The following DYRK4 variants were observed in gnomAD, a reference collection of about 807,000 sequenced individuals.
DYRK4 encodes dual specificity tyrosine phosphorylation regulated kinase 4.
A neutral mutation model predicts 68.3 loss-of-function variants in DYRK4; 64 were observed. The ratio of observed to expected loss-of-function variants is 0.94; its 90% CI spans 0.77 to 1.15. DYRK4 has a LOEUF of 1.15. Ranked by LOEUF, DYRK4 falls within the 50% of genes most tolerant of loss-of-function variation. The pLI is 0.00. For synonymous variants in DYRK4, 274 were observed against 289.9 expected (o/e 0.95, Z 0.56); for missense variants, 740 against 764.7 (o/e 0.97, Z 0.38).
intron 10 of DYRK4, chr12:4,602,664 AGG>A (rs764586095): frequency 1.3e-5 from 18 of 1,415,754 alleles, no homozygotes; most frequent in Non-Finnish European, 1.8e-5. Flanking sequence ...ACACCTGCTG[AGG>A]GTCATTTTCT....
At chr12:4,571,527 G>A (rs1944730157) in intron 2 of DYRK4, among the ~76,000 whole-genome samples, 1 of 152,174 alleles carries the variant, frequency 6.6e-6, no homozygotes. Context: ...AAGACTCGGT[G>A]TGAAAACAAT....
intron 2 of DYRK4, among the ~76,000 whole-genome samples, chr12:4,570,507 G>A (rs145007590): frequency 1.1e-4 from 16 of 152,248 alleles, no homozygotes; most frequent in East Asian, 5.8e-4. Flanking sequence ...GCTTCTGCAC[G>A]TGAAGTATTG....
chr12:4,573,022 G>C (rs999355302), intron 2 of DYRK4: 1 of 302,940 alleles, frequency 3.3e-6, no homozygotes, highest in African/African-American at 2.2e-5. Flanking sequence ...ATGGAAATCA[G>C]TTCAAGCTGA....
In DYRK4 at chr12:4,593,003, G is replaced by A; in HGVS notation, c.465G>A (p.Glu155=). Residue 155 remains glutamate, a splice_region_variant and synonymous_variant, in exon 6 of 15, where the codon GAG becomes GAA. Coordinates refer to ENST00000543431, the MANE Select transcript of DYRK4 (RefSeq NM_001394779.1). ...ACAATTGTAGTGTTTTTCACACAGA[G>A]GCCCTAAAGCTTTTTAAGAACCAGC... ...KKQKVTLTAA[E]ALKLFKNQLS... The A allele has an allele frequency of 1.2e-6, 2 of 1,612,192 alleles. No individual in the cohort carries two copies. Among genetic ancestry groups the A allele is most frequent in the Non-Finnish European group, 1.7e-6 (2 of 1,179,084 alleles).
intron 2 of DYRK4, among the ~76,000 whole-genome samples, chr12:4,576,769 G>A (rs556382223): frequency 6.6e-6 from 1 of 152,286 alleles, no homozygotes; most frequent in Admixed American, 6.5e-5. Flanking sequence ...ATAATATTGA[G>A]CATCTTTTCA....
Position 4,562,225 on chromosome 12 carries a change from C to T in DYRK4, c.-21C>T, listed in dbSNP as rs1341764249. 2 of 1,524,110 alleles carry T rather than the reference C, an allele frequency of 1.3e-6. No homozygotes were observed. Among genetic ancestry groups the T allele is most frequent in the Admixed American group, 2.0e-5 (1 of 49,536 alleles). The allele number at this position is 1,524,110 out of a possible 1,614,324, so 94.4% of individuals were successfully genotyped here. A position where few individuals can be genotyped will look rare whatever the true frequency, so the allele number is the denominator to read the frequency against. ...GGGCTCTCACAGCCTCCCGCAGCGG[C>T]GGGCGGTCAGCGCCGGCCTCATGCA... On this transcript the variant is annotated 5_prime_UTR_variant, in exon 1 of 15. Transcript: ENST00000543431.
intron 4 of DYRK4, chr12:4,590,643 C>T (rs1944943448): frequency 9.0e-7 from 1 of 1,106,058 alleles, no homozygotes; most frequent in South Asian, 2.8e-5. Context: ...AAAATGGGCC[C>T]TCTCTAGAGC....
intron 2 of DYRK4, among the ~76,000 whole-genome samples, chr12:4,582,060 C>T (rs574767097): frequency 5.3e-5 from 8 of 152,234 alleles, no homozygotes; most frequent in African/African-American, 1.7e-4. Context: ...GTGTCATTGT[C>T]GGCACTCAAA....
chr12:4,607,448 G>C, intron 12 of DYRK4, 61 bp downstream of exon 12: 1 of 1,573,402 alleles, frequency 6.4e-7, no homozygotes, highest in East Asian at 2.3e-5. Flanking sequence ...CATACCTTAA[G>C]GCTCATTTCA....
At chr12:4,586,490 T>A (rs1944898143) in intron 2 of DYRK4, among the ~76,000 whole-genome samples, 1 of 152,148 alleles carries the variant, frequency 6.6e-6, no homozygotes, top group Non-Finnish European at 1.5e-5. Context: ...CCGCTTCCTT[T>A]TGCCTCCCAG....
chr12:4,609,717 G>C (rs775660119), intron 12 of DYRK4, among the ~76,000 whole-genome samples: 1 of 152,254 alleles, frequency 6.6e-6, no homozygotes, highest in South Asian at 2.1e-4. Context: ...TTGGTAAAAA[G>C]GACAATGTAG....
At chr12:4,597,935 G>A (rs934493736) in intron 8 of DYRK4, among the ~76,000 whole-genome samples, 4 of 152,168 alleles carry the variant, frequency 2.6e-5, no homozygotes, top group African/African-American at 9.6e-5. Flanking sequence ...GCGTGGTGGT[G>A]CGTGCCTGTA....
chr12:4,579,554 A>T (rs717568), intron 2 of DYRK4, among the ~76,000 whole-genome samples: 80,630 of 151,948 alleles, frequency 0.53, 21,895 homozygotes, highest in African/African-American at 0.62. Flanking sequence ...CCTGGAGTTA[A>T]GCAAGGAGGC....
intron 1 of DYRK4, among the ~76,000 whole-genome samples, chr12:4,566,071 A>G (rs1032627799): frequency 2.6e-5 from 4 of 152,204 alleles, no homozygotes; most frequent in African/African-American, 9.7e-5. Flanking sequence ...TGATGGCCAC[A>G]ATTCTACCTG....
At chr12:4,607,417 A>G in intron 12 of DYRK4, 30 bp downstream of exon 12, 4 of 1,611,458 alleles carry the variant, frequency 2.5e-6, no homozygotes, top group Non-Finnish European at 2.5e-6. Flanking sequence ...ATGAGGTGTC[A>G]CAGGCCTTGA....
At chr12:4,581,444 G>A (rs1944840746) in intron 2 of DYRK4, among the ~76,000 whole-genome samples, 1 of 152,178 alleles carries the variant, frequency 6.6e-6, no homozygotes, top group Non-Finnish European at 1.5e-5. Context: ...TCCTTTTCCA[G>A]GCATTCTCTT....
Position 4,599,769 on chromosome 12 carries a change from CT to C in DYRK4, c.1108del (p.Cys370ValfsTer21). 6.2e-7 allele frequency: 1 copy of C among 1,614,058 alleles called. No individual in the cohort carries two copies. Among genetic ancestry groups the C allele is most frequent in the East Asian group, 2.2e-5 (1 of 44,874 alleles). ...SVKVIDFGSS[C>X]YEHQKVYTYI... ...TTAAAGTCATTGACTTTGGATCAAG[CT>C]GTTATGAACACCAGAAAGGTGAGCC... is the stretch of plus-strand genomic sequence containing the variant. On this transcript the variant is annotated frameshift_variant, in exon 10 of 15. Coordinates refer to ENST00000543431, the MANE Select transcript of DYRK4 (RefSeq NM_001394779.1). LOFTEE classifies it high-confidence loss of function.
Position 4,593,003 on chromosome 12 carries a change from G to C in DYRK4, c.465G>C (p.Glu155Asp). The C allele has an allele frequency of 1.2e-6, 2 of 1,612,192 alleles. No homozygotes were observed. Among genetic ancestry groups the C allele is most frequent in the Non-Finnish European group, 1.7e-6 (2 of 1,179,084 alleles). ...KKQKVTLTAA[E>D]ALKLFKNQLS... ...ACAATTGTAGTGTTTTTCACACAGA[G>C]GCCCTAAAGCTTTTTAAGAACCAGC... Residue 155 changes from glutamate to aspartate, a missense_variant and splice_region_variant, in exon 6 of 15, where the codon GAG becomes GAC. This residue lies in a region of DYRK4 where 614 missense variants were observed against 603.7 expected (regional missense o/e 1.02). Coordinates refer to ENST00000543431, the MANE Select transcript of DYRK4 (RefSeq NM_001394779.1).
intron 6 of DYRK4, among the ~76,000 whole-genome samples, chr12:4,593,576 C>A (rs763465530): frequency 1.3e-5 from 2 of 152,186 alleles, no homozygotes; most frequent in Non-Finnish European, 2.9e-5. Context: ...TCACTTCCCC[C>A]ACAGACAAAA....
Sources: allele counts gnomAD v4.1 joint callset (sites outside exome capture counted in the v4.1 genomes callset), GRCh38; gene constraint gnomAD v4.1.1; regional missense constraint gnomAD v4.1.1; transcripts MANE v1.5; gene names NCBI Gene and HGNC (gene_info 2026-07-23, HGNC 2026-07-21).